TRPM3: variants seen among roughly 807,000 people sequenced by gnomAD.
TRPM3 encodes long transient receptor potential channel 3.
A neutral mutation model predicts 181.2 loss-of-function variants in TRPM3; 77 were observed. The ratio of observed to expected loss-of-function variants is 0.42; its 90% CI spans 0.35 to 0.51. TRPM3 has a LOEUF of 0.51. Ranked by LOEUF, TRPM3 falls within the 20% of genes least tolerant of loss-of-function variation. TRPM3 has a pLI of 0.01. For missense variants in TRPM3, 1,759 were observed against 2,196.7 expected, an observed-to-expected ratio of 0.80 and a Z score of 3.98; for synonymous variants, 745 against 796.4, an observed-to-expected ratio of 0.94 and a Z score of 1.09.
intron 1 of TRPM3, among the ~76,000 whole-genome samples, chr9:71,066,931 A>G (rs775477176): frequency 1.3e-5 from 2 of 152,098 alleles, no homozygotes; most frequent in East Asian, 3.9e-4. Context: ...AACCCATATC[A>G]GTTATCATTC....
chr9:71,303,211 T>C (rs938256373), intron 1 of TRPM3, among the ~76,000 whole-genome samples: 6 of 152,266 alleles, frequency 3.9e-5, no homozygotes, highest in African/African-American at 9.6e-5. Context: ...CCTGGACTCA[T>C]TGCCCTATAA....
intron 1 of TRPM3, among the ~76,000 whole-genome samples, chr9:71,147,785 A>G (rs1458158592): frequency 1.3e-5 from 2 of 152,152 alleles, no homozygotes; most frequent in Non-Finnish European, 2.9e-5. Flanking sequence ...CCTCTGGACA[A>G]AGGTATGTGC....
chr9:70,856,629 TCA>T (rs1352270537), intron 3 of TRPM3, among the ~76,000 whole-genome samples: 2 of 152,062 alleles, frequency 1.3e-5, no homozygotes, highest in Non-Finnish European at 2.9e-5. Flanking sequence ...CCCTTTCACC[TCA>T]CACCCACAAC....
At chr9:70,975,625 A>G (rs1025569544) in intron 1 of TRPM3, among the ~76,000 whole-genome samples, 4 of 152,166 alleles carry the variant, frequency 2.6e-5, no homozygotes, top group Non-Finnish European at 5.9e-5. Flanking sequence ...TTAACTCACC[A>G]CTTGCTAGAA....
At chr9:71,390,224 A>G (rs2093030542) in intron 1 of TRPM3, among the ~76,000 whole-genome samples, 1 of 152,014 alleles carries the variant, frequency 6.6e-6, no homozygotes, top group Non-Finnish European at 1.5e-5. Context: ...GCAGGAGGCA[A>G]AATTATTAGG....
At position 70,803,288 on chromosome 9, in the gene TRPM3, T is replaced by TA. The variant is rs1280576010; in HGVS notation, c.974-19010_974-19009insT. ...CAGTTGACCATTTCATTCCTTCCTCTTGGAAATACACTCTTCACTTTGGCT... is the reference window on the plus strand; with the variant it reads ...CAGTTGACCATTTCATTCCTTCCTCTATGGAAATACACTCTTCACTTTGGCT... On this transcript the variant is annotated intron_variant, in intron 6 of 25. Coordinates refer to ENST00000677713, the MANE Select transcript of TRPM3 (RefSeq NM_001366145.2). Among the ~76,000 whole-genome samples the TA allele has an allele frequency of 3.9e-5, 6 of 152,160 alleles. No individual in the cohort carries two copies. In the East Asian group the frequency reaches 1.2e-3, roughly 29 times the overall value.
chr9:71,358,692 C>T (rs1325355212), intron 1 of TRPM3, among the ~76,000 whole-genome samples: 1 of 152,094 alleles, frequency 6.6e-6, no homozygotes, highest in Non-Finnish European at 1.5e-5. Context: ...CTAGAAAGAA[C>T]AGAAATGAAG....
At chr9:71,351,623 G>A (rs2091629646) in intron 1 of TRPM3, among the ~76,000 whole-genome samples, 1 of 152,090 alleles carries the variant, frequency 6.6e-6, no homozygotes, top group Non-Finnish European at 1.5e-5. Flanking sequence ...ATATACATAG[G>A]TATATCTTCA....
intron 1 of TRPM3, among the ~76,000 whole-genome samples, chr9:71,373,794 T>G (rs2092594710): frequency 6.6e-6 from 1 of 152,188 alleles, no homozygotes; most frequent in African/African-American, 2.4e-5. Flanking sequence ...AGCATCATCC[T>G]GATACCAAAA....
chr9:70,682,186 T>C (rs1174003174), intron 8 of TRPM3, among the ~76,000 whole-genome samples: 1 of 152,172 alleles, frequency 6.6e-6, no homozygotes, highest in African/African-American at 2.4e-5. Context: ...AACTATGATT[T>C]TGGGGCCCTT....
At chr9:70,675,984 C>G (rs550541614) in intron 9 of TRPM3, among the ~76,000 whole-genome samples, 43 of 152,236 alleles carry the variant, frequency 2.8e-4, no homozygotes, top group African/African-American at 7.9e-4. Flanking sequence ...TAACTTAATA[C>G]CCTTTATTTT....
In TRPM3 at chr9:70,808,196, A is replaced by G. The variant is rs117736926; in HGVS notation, c.973+19651T>C. ...GCTAGGAACCTATTGTATCTGACCAACAACAGTAAACATTGCTGACTTTGA... is the reference window on the plus strand; with the variant it reads ...GCTAGGAACCTATTGTATCTGACCAGCAACAGTAAACATTGCTGACTTTGA... On this transcript the variant is annotated intron_variant, in intron 6 of 25. Transcript: ENST00000677713. 6.5e-3 allele frequency among the ~76,000 whole-genome samples: 990 copies of G among 152,338 alleles called. 7 individuals are homozygous for G. The highest frequency in any genetic ancestry group is 0.011 in the South Asian group (51 of 4,828).
intron 1 of TRPM3, among the ~76,000 whole-genome samples, chr9:71,245,475 T>G (rs1179169344): frequency 6.6e-6 from 1 of 151,144 alleles, no homozygotes; most frequent in Non-Finnish European, 1.5e-5. Flanking sequence ...TGAAGAGACA[T>G]CTGAACTTCT....
intron 9 of TRPM3, among the ~76,000 whole-genome samples, chr9:70,654,771 T>C (rs1384321576): frequency 6.6e-6 from 1 of 150,764 alleles, no homozygotes; most frequent in Non-Finnish European, 1.5e-5. Context: ...CAAGCTCCGC[T>C]TCCTGGGTTC....
At chr9:70,671,506 A>G (rs1433640018) in intron 9 of TRPM3, among the ~76,000 whole-genome samples, 1 of 150,740 alleles carries the variant, frequency 6.6e-6, no homozygotes, top group African/African-American at 2.5e-5. Context: ...GTACAAAACC[A>G]TTAAAATTAA....
intron 1 of TRPM3, among the ~76,000 whole-genome samples, chr9:71,014,791 CT>C (rs1001103724): frequency 7.2e-5 from 11 of 152,012 alleles, no homozygotes; most frequent in Admixed American, 3.9e-4. Flanking sequence ...ATATGAAAAT[CT>C]TTTTTTCCTC....
chr9:71,120,477 A>T (rs1015901541), intron 1 of TRPM3, among the ~76,000 whole-genome samples: 1 of 152,184 alleles, frequency 6.6e-6, no homozygotes, highest in Non-Finnish European at 1.5e-5. Context: ...AGCGCTGCAG[A>T]CACACGGTGG....
intron 5 of TRPM3, among the ~76,000 whole-genome samples, chr9:70,842,426 A>G (rs997687198): frequency 2.6e-5 from 4 of 152,194 alleles, no homozygotes; most frequent in African/African-American, 7.2e-5. Context: ...TTGGATTAAA[A>G]TAAGATGGTT....
At chr9:71,247,900 T>C (rs1337503808) in intron 1 of TRPM3, among the ~76,000 whole-genome samples, 2 of 152,196 alleles carry the variant, frequency 1.3e-5, no homozygotes, top group African/African-American at 2.4e-5. Context: ...TCTATTTTAC[T>C]AGCTAAAGTG....
Sources: gnomAD v4.1 joint callset for allele counts (sites outside exome capture counted in the v4.1 genomes callset) on GRCh38, gnomAD v4.1.1 for gene constraint, MANE v1.5 for transcripts, NCBI Gene and HGNC (gene_info 2026-07-23, HGNC 2026-07-21) for gene names.